FBN2: variants seen among roughly 807,000 people sequenced by gnomAD.
FBN2 encodes fibrillin 2, also known as fibrillin-2.
FBN2 carries 105 observed loss-of-function variants against 355.6 expected under a neutral mutation model. The ratio of observed to expected loss-of-function variants is 0.30; its 90% CI spans 0.25 to 0.35. The LOEUF is 0.35. Among genes scored for constraint, FBN2 ranks in the 10% least tolerant of loss-of-function variants. FBN2 has a pLI of 1.00. For missense variants in FBN2, 3,280 were observed against 3,758.7 expected (o/e 0.87, Z 3.33); for synonymous variants, 1,350 against 1,301.2 (o/e 1.04, Z -0.81).
At chr5:128,472,893 T>C (rs1276760419) in intron 5 of FBN2, among the ~76,000 whole-genome samples, 1 of 152,168 alleles carries the variant, frequency 6.6e-6, no homozygotes. Context: ...GTAAGTAGAC[T>C]TTTGAAATCA....
At chr5:128,346,303 T>G (rs1355913586) in intron 23 of FBN2, among the ~76,000 whole-genome samples, 4 of 152,250 alleles carry the variant, frequency 2.6e-5, no homozygotes, top group African/African-American at 4.8e-5. Context: ...GTTCATCTGT[T>G]AGCAAATAGA....
At chr5:128,341,063 A>G (rs1751005888) in intron 25 of FBN2, among the ~76,000 whole-genome samples, 1 of 152,170 alleles carries the variant, frequency 6.6e-6, no homozygotes, top group African/African-American at 2.4e-5. Flanking sequence ...ACGGACCGGT[A>G]GGATTACTAA....
intron 34 of FBN2, among the ~76,000 whole-genome samples, chr5:128,324,726 T>C (rs955044319): frequency 3.3e-5 from 5 of 151,826 alleles, no homozygotes; most frequent in Non-Finnish European, 7.4e-5. Flanking sequence ...CACGCCATTC[T>C]CCTGCTTCAG....
At chr5:128,310,302 AT>A (rs1240749775) in intron 39 of FBN2, among the ~76,000 whole-genome samples, 194 bp from the exon 40 acceptor site, 1 of 150,020 alleles carries the variant, frequency 6.7e-6, no homozygotes, top group Non-Finnish European at 1.5e-5. Flanking sequence ...AAATCCCCAT[AT>A]TAAAAAATAT....
At chr5:128,407,853 A>G (rs1420011292) in intron 8 of FBN2, among the ~76,000 whole-genome samples, 1 of 152,178 alleles carries the variant, frequency 6.6e-6, no homozygotes. Context: ...TTGGTTGCTG[A>G]CATACTAACT....
rs375125470 is a variant in FBN2, at chr5:128,267,811, G to C, written c.7961-4155C>G. The stretch of plus-strand genomic sequence containing the variant: ...TGATAGTTTCTTTTGCTGTGCAGAA[G>C]CTCTTTAGTTCTTTGAAACCAATGA... On this transcript the variant is annotated intron_variant, in intron 62 of 64. Coordinates refer to ENST00000262464, the MANE Select transcript of FBN2 (RefSeq NM_001999.4). Among the ~76,000 whole-genome samples, 66 of 152,212 alleles carry C rather than the reference G, an allele frequency of 4.3e-4. 1 individual carries two copies. The South Asian group carries it at 0.013, about 30-fold the overall frequency.
intron 7 of FBN2, among the ~76,000 whole-genome samples, chr5:128,419,096 T>G (rs1262630367): frequency 6.6e-6 from 1 of 152,344 alleles, no homozygotes; most frequent in Admixed American, 6.5e-5. Context: ...ATTCTTTGTA[T>G]AAAAATAAAA....
Position 128,488,608 on chromosome 5 carries a change from G to A in FBN2, c.629-23687C>T, listed in dbSNP as rs189793132. ...GCTGGTGTGCTGTGCCCATTAACTC[G>A]TCATTTAGCATTAGGTATATCTCCT... On this transcript the variant is annotated intron_variant, in intron 5 of 64. Transcript: ENST00000262464. Among the ~76,000 whole-genome samples the A allele has an allele frequency of 5.1e-3, 772 of 151,716 alleles. 4 individuals carry two copies. The highest frequency in any genetic ancestry group is 6.3e-3 in the Non-Finnish European group (429 of 67,954).
chr5:128,506,292 C>T (rs943549912), intron 5 of FBN2, among the ~76,000 whole-genome samples: 1 of 152,100 alleles, frequency 6.6e-6, no homozygotes, highest in Non-Finnish European at 1.5e-5. Flanking sequence ...TTGAGTCTTC[C>T]AACTAATGAA....
Position 128,263,458 on chromosome 5 carries a change from C to A in FBN2, c.8159G>T (p.Gly2720Val). The change falls in exon 63 of 65, where the codon GGC becomes GTC. Residue 2720 changes from glycine to valine, a missense_variant. Gly to Val is a moderately radical substitution (Grantham distance 109). This residue lies in a region of FBN2 where 311 missense variants were observed against 319.1 expected (regional missense o/e 0.97). Coordinates refer to ENST00000262464, the MANE Select transcript of FBN2 (RefSeq NM_001999.4). The stretch of plus-strand genomic sequence containing the variant: ...CACTCTGTAATACCCAGGGGGGCAG[C>A]CACAGAGGTAGCCCCCCTCCGTGTT... ...CSNTEGGYLC[G>V]CPPGYYRVGQ... is the part of the protein sequence containing the mutation. 6.2e-7 allele frequency: 1 copy of A among 1,613,984 alleles called. No individual in the cohort carries two copies. The highest frequency in any genetic ancestry group is 8.5e-7 in the Non-Finnish European group (1 of 1,179,868).
At position 128,287,422 on chromosome 5, in the gene FBN2, C is replaced by T; in HGVS notation, c.6766G>A (p.Glu2256Lys). The change falls in exon 54 of 65, where the codon GAA (glutamate) becomes AAA (lysine). Residue 2256 changes from glutamate (E) to lysine (K), a missense_variant. Around this residue, in one of 6 missense-constraint regions of FBN2, gnomAD observed 2,284 missense variants for 2,749.5 expected, o/e 0.83. Coordinates refer to ENST00000262464, the MANE Select transcript of FBN2 (RefSeq NM_001999.4). ...CACAGCAGTGGGTTCTGGGCACATT[C>T]GTTGATATCTGACCAAAGGAATGGA... is the stretch of plus-strand genomic sequence containing the variant. ...GPMMNCEDIN[E>K]CAQNPLLCAF... 2 of 1,613,812 alleles carry T rather than the reference C, an allele frequency of 1.2e-6. No individual in the cohort carries two copies. Among genetic ancestry groups the T allele is most frequent in the Non-Finnish European group, 1.7e-6 (2 of 1,179,844 alleles).
chr5:128,368,755 G>C (rs559762639), intron 16 of FBN2, among the ~76,000 whole-genome samples: 1 of 151,686 alleles, frequency 6.6e-6, no homozygotes, highest in East Asian at 1.9e-4. Flanking sequence ...CTGCAGCCTC[G>C]AACCCTTGGG....
At chr5:128,320,416 G>T (rs1380646445) in intron 34 of FBN2, among the ~76,000 whole-genome samples, 1 of 151,998 alleles carries the variant, frequency 6.6e-6, no homozygotes, top group Non-Finnish European at 1.5e-5. Flanking sequence ...GTCTCCCTAT[G>T]TGGCCTAGGT....
Position 128,397,386 on chromosome 5 carries a change from T to C in FBN2, c.1079-2112A>G, listed in dbSNP as rs78684106. ...TCAGTGCTACAAGTTAGGATGAATA[T>C]ATTTATCTCTTCAAGGCTTCTACAA... is the stretch of plus-strand genomic sequence containing the variant. On this transcript the variant is annotated intron_variant, in intron 8 of 64. Coordinates refer to ENST00000262464, the MANE Select transcript of FBN2 (RefSeq NM_001999.4). Among the ~76,000 whole-genome samples the C allele has an allele frequency of 7.5e-3, 1,148 of 152,332 alleles. 14 individuals carry two copies. Among genetic ancestry groups the C allele is most frequent in the African/African-American group, 0.026 (1,079 of 41,572 alleles).
chr5:128,445,219 C>A (rs1754034785), intron 7 of FBN2, among the ~76,000 whole-genome samples: 1 of 152,016 alleles, frequency 6.6e-6, no homozygotes, highest in African/African-American at 2.4e-5. Context: ...TTTATTTGGT[C>A]CTTAAAATAA....
intron 10 of FBN2, 32 bp from the exon 11 acceptor site, chr5:128,392,187 T>A: frequency 6.3e-7 from 1 of 1,593,120 alleles, no homozygotes; most frequent in Non-Finnish European, 8.6e-7. Flanking sequence ...TTATATTTAA[T>A]CATTACAACA....
intron 62 of FBN2, among the ~76,000 whole-genome samples, chr5:128,267,145 G>A (rs113287005): frequency 0.026 from 3,936 of 152,202 alleles, 135 homozygotes; most frequent in African/African-American, 0.07. Flanking sequence ...TCCCTGCAAA[G>A]GACATGCTCT....
At chr5:128,403,943 G>C (rs948694596) in intron 8 of FBN2, among the ~76,000 whole-genome samples, 3 of 152,166 alleles carry the variant, frequency 2.0e-5, no homozygotes, top group Non-Finnish European at 4.4e-5. Context: ...CAAGTTTACT[G>C]ATGCTTTGTC....
At chr5:128,457,955 T>C (rs1048388850) in intron 6 of FBN2, among the ~76,000 whole-genome samples, 2 of 151,936 alleles carry the variant, frequency 1.3e-5, no homozygotes, top group African/African-American at 2.4e-5. Flanking sequence ...CAAATTCACA[T>C]GTGACAATAC....
Sources: gnomAD v4.1 joint callset for allele counts (sites outside exome capture counted in the v4.1 genomes callset) on GRCh38, gnomAD v4.1.1 for gene constraint, gnomAD v4.1.1 regional missense constraint, MANE v1.5 for transcripts, NCBI Gene and HGNC (gene_info 2026-07-23, HGNC 2026-07-21) for gene names.